The following CACHD1 variants were observed in gnomAD, a reference collection of about 807,000 sequenced individuals.
CACHD1 encodes the protein cache domain containing 1, also known as VWFA and cache domain-containing protein 1.
A neutral mutation model predicts 138.7 loss-of-function variants in CACHD1; 71 were observed. The observed-to-expected ratio is 0.51, with a 90% CI of 0.42 to 0.62. The LOEUF (loss-of-function observed/expected upper bound fraction) is 0.62, where lower values mean the gene tolerates loss of function less well. Among genes scored for constraint, CACHD1 ranks in the 20% least tolerant of loss-of-function variants. The probability of loss-of-function intolerance (pLI) is 0.00; values close to 1 mark genes in which losing one functional copy is unlikely to be tolerated. For synonymous variants in CACHD1, 578 were observed against 591.5 expected (o/e 0.98, Z 0.33); for missense variants, 1,389 against 1,625.3 (o/e 0.85, Z 2.50).
At chr1:64,492,786 A>G (rs1207928241) in intron 1 of CACHD1, among the ~76,000 whole-genome samples, 1 of 152,214 alleles carries the variant, frequency 6.6e-6, no homozygotes, top group East Asian at 1.9e-4. Flanking sequence ...AATACTGGTG[A>G]TTCATGGAGG....
chr1:64,592,599 A>G (rs1412128853), intron 3 of CACHD1, among the ~76,000 whole-genome samples: 1 of 152,162 alleles, frequency 6.6e-6, no homozygotes, highest in African/African-American at 2.4e-5. Context: ...CCATATAGCA[A>G]TTGAGGATGG....
At chr1:64,476,453 G>A (rs536353678) in intron 1 of CACHD1, among the ~76,000 whole-genome samples, 52 of 152,272 alleles carry the variant, frequency 3.4e-4, no homozygotes, top group Non-Finnish European at 6.6e-4. Flanking sequence ...GTGTAATTAC[G>A]CAATATAGAA....
chr1:64,579,712 G>A (rs1219242640), intron 2 of CACHD1: 1 of 152,242 alleles, frequency 6.6e-6, no homozygotes, highest in Non-Finnish European at 1.5e-5. Flanking sequence ...CAGAAGATAA[G>A]GTTGATGACT....
intron 13 of CACHD1, among the ~76,000 whole-genome samples, chr1:64,661,027 C>T (rs78162516): frequency 0.022 from 3,410 of 152,228 alleles, 136 homozygotes; most frequent in African/African-American, 0.077. Flanking sequence ...CCTTCCTCAC[C>T]TTGATGGTAA....
chr1:64,598,219 C>G (rs1647173814), intron 3 of CACHD1, among the ~76,000 whole-genome samples: 1 of 152,158 alleles, frequency 6.6e-6, no homozygotes, highest in South Asian at 2.1e-4. Context: ...AGTCCACCAG[C>G]CCTGTATATC....
chr1:64,556,762 A>G (rs7512417), intron 2 of CACHD1, among the ~76,000 whole-genome samples: 98,613 of 152,128 alleles, frequency 0.65, 35,663 homozygotes, highest in Non-Finnish European at 0.8. Context: ...TTAGTTCACT[A>G]TATGTAGTTT....
intron 8 of CACHD1, among the ~76,000 whole-genome samples, chr1:64,644,730 A>G (rs1249340190): frequency 6.6e-6 from 1 of 152,214 alleles, no homozygotes; most frequent in African/African-American, 2.4e-5. Context: ...AGTAGACACA[A>G]TTAACCTTAC....
At chr1:64,505,524 C>T (rs1313782876) in intron 1 of CACHD1, among the ~76,000 whole-genome samples, 1 of 150,368 alleles carries the variant, frequency 6.7e-6, no homozygotes, top group Admixed American at 6.6e-5. Flanking sequence ...CAGAAGGGAC[C>T]TCCCCGCCCC....
chr1:64,656,982 A>G (rs1649282453), intron 12 of CACHD1, among the ~76,000 whole-genome samples: 1 of 152,154 alleles, frequency 6.6e-6, no homozygotes, highest in Non-Finnish European at 1.5e-5. Context: ...GCACTCATAG[A>G]TATAGCAGAT....
At chr1:64,604,971 G>GTT (rs528557112) in intron 4 of CACHD1, among the ~76,000 whole-genome samples, 1 of 123,024 alleles carries the variant, frequency 8.1e-6, no homozygotes, top group African/African-American at 2.9e-5. Flanking sequence ...TTTTTTCTTT[G>GTT]TTTTTTTTTT....
chr1:64,630,570 C>T (rs1472076847), intron 5 of CACHD1, among the ~76,000 whole-genome samples: 1 of 152,162 alleles, frequency 6.6e-6, no homozygotes, highest in African/African-American at 2.4e-5. Context: ...AGGCATGAGC[C>T]ACCGTGCCCA....
intron 2 of CACHD1, among the ~76,000 whole-genome samples, chr1:64,567,140 G>GGTA (rs749009797): frequency 1.4e-3 from 216 of 152,204 alleles, no homozygotes; most frequent in Non-Finnish European, 2.1e-3. Flanking sequence ...TCTAGTAAGT[G>GGTA]GTAGGCAGGT....
At chr1:64,529,612 G>T (rs576889620) in intron 1 of CACHD1, among the ~76,000 whole-genome samples, 2 of 152,276 alleles carry the variant, frequency 1.3e-5, no homozygotes, top group South Asian at 4.1e-4. Context: ...AGTGATAAAT[G>T]AATTATCTTA....
intron 1 of CACHD1, among the ~76,000 whole-genome samples, chr1:64,492,602 A>C (rs1646283842): frequency 6.6e-6 from 1 of 151,742 alleles, no homozygotes; most frequent in Non-Finnish European, 1.5e-5. Flanking sequence ...TGCCACACGG[A>C]AACAATAAGC....
chr1:64,661,351 T>G (rs190664605), intron 13 of CACHD1, among the ~76,000 whole-genome samples: 12 of 152,334 alleles, frequency 7.9e-5, no homozygotes, highest in African/African-American at 2.6e-4. Flanking sequence ...TAAATAAGCA[T>G]GTCTACCTCC....
intron 19 of CACHD1, among the ~76,000 whole-genome samples, chr1:64,674,294 C>G (rs1340604110): frequency 6.6e-6 from 1 of 152,130 alleles, no homozygotes; most frequent in African/African-American, 2.4e-5. Flanking sequence ...CCTGTTCAGA[C>G]CCCATACCAT....
intron 1 of CACHD1, among the ~76,000 whole-genome samples, chr1:64,526,400 T>A (rs542955550): frequency 6.1e-4 from 93 of 152,134 alleles, no homozygotes; most frequent in African/African-American, 2.0e-3. Flanking sequence ...CCTTTTTTTT[T>A]AAAGCCATTT....
intron 1 of CACHD1, among the ~76,000 whole-genome samples, chr1:64,526,088 G>A (rs1014285483): frequency 6.6e-6 from 1 of 152,224 alleles, no homozygotes; most frequent in African/African-American, 2.4e-5. Context: ...ATGATGGTGA[G>A]TTTGAGCTCA....
intron 1 of CACHD1, among the ~76,000 whole-genome samples, chr1:64,494,159 G>T (rs2100304476): frequency 6.6e-6 from 1 of 152,288 alleles, no homozygotes; most frequent in South Asian, 2.1e-4. Flanking sequence ...TGCAATGAGG[G>T]CCCCACTTCT....
Sources: gnomAD v4.1 joint callset for allele counts (sites outside exome capture counted in the v4.1 genomes callset) on GRCh38, gnomAD v4.1.1 for gene constraint, MANE v1.5 for transcripts, NCBI Gene and HGNC (gene_info 2026-07-23, HGNC 2026-07-21) for gene names.